HIBCH: variants seen among roughly 807,000 people sequenced by gnomAD.
HIBCH encodes 3-hydroxyisobutyryl-CoA hydrolase.
HIBCH carries 50 observed loss-of-function variants against 58.2 expected under a neutral mutation model. The observed-to-expected ratio is 0.86, with a 90% CI of 0.68 to 1.09. The LOEUF (loss-of-function observed/expected upper bound fraction) is 1.09. HIBCH is among the 50% of genes least tolerant of loss of function. The pLI, the probability that HIBCH is intolerant of heterozygous loss-of-function variation, is 0.00. For missense variants in HIBCH, 450 were observed against 449.7 expected, an observed-to-expected ratio of 1.00 and a Z score of -0.01; for synonymous variants, 151 against 146.9, an observed-to-expected ratio of 1.03 and a Z score of -0.20.
At chr2:190,193,849 T>G (rs1278614786) in intron 1 of HIBCH, among the ~76,000 whole-genome samples, 23 of 152,296 alleles carry the variant, frequency 1.5e-4, no homozygotes, top group Non-Finnish European at 4.4e-5. Flanking sequence ...TTAATTTGCT[T>G]TTCTTTTTTT....
In HIBCH at chr2:190,191,449, T is replaced by C. The variant is rs1186841424; in HGVS notation, c.*18-1452A>G. On this transcript the variant is annotated intron_variant, in intron 1 of 1. Coordinates refer to the HIBCH transcript ENST00000399855. ...CATGCGCCACCGTCCCCAGCCAGCA[T>C]ACAATTTTTTTATGTGAACACAAAT... is the stretch of plus-strand genomic sequence containing the variant. 2.6e-5 allele frequency among the ~76,000 whole-genome samples: 4 copies of C among 152,176 alleles called. No homozygotes were observed. The East Asian group carries it at 7.7e-4, about 29-fold the overall frequency.
Position 190,296,788 on chromosome 2 carries a change from T to C in HIBCH, c.219+25A>G, listed in dbSNP as rs138006542. On this transcript the variant is annotated intron_variant, in intron 3 of 13. Coordinates refer to ENST00000359678, the MANE Select transcript of HIBCH (RefSeq NM_014362.4). ...TGATATACTTTGAAAAGAATCCATA[T>C]AATTGCAATAAGAAAATTACAAACC... 229 of 1,591,250 alleles carry C rather than the reference T, an allele frequency of 1.4e-4. No homozygotes were observed. The East Asian group carries it at 4.7e-3, about 32-fold the overall frequency.
rs541107189 is a variant in HIBCH at position 190,241,142 on chromosome 2, G to C, written c.891+3745C>G. ...GAAGGTCTCTAAAAACTTGCTTTAT[G>C]AATCTGGGTGCTCCTGTATTGGTGA... On this transcript the variant is annotated intron_variant, in intron 11 of 13. Transcript: ENST00000359678. 1.5e-3 allele frequency among the ~76,000 whole-genome samples: 224 copies of C among 152,312 alleles called. 3 individuals are homozygous for C. Among genetic ancestry groups the C allele is most frequent in the Middle Eastern group, 0.014 (4 of 294 alleles).
At chr2:190,255,007 G>A (rs1686883985) in intron 7 of HIBCH, among the ~76,000 whole-genome samples, 1 of 152,106 alleles carries the variant, frequency 6.6e-6, no homozygotes, top group Non-Finnish European at 1.5e-5. Context: ...TGGCTATACA[G>A]TATTGGACAG....
In HIBCH at chr2:190,239,940, G is replaced by A. The variant is rs574886691; in HGVS notation, c.891+4947C>T. On this transcript the variant is annotated intron_variant, in intron 11 of 13. Transcript: ENST00000359678. ...GCTGGGATTACAGGCATGAGCCACC[G>A]CACCTGGCCTTGAAATATTTTTTTA... Among the ~76,000 whole-genome samples the A allele has an allele frequency of 9.3e-4, 142 of 152,238 alleles. 1 individual carries two copies. Among genetic ancestry groups the A allele is most frequent in the African/African-American group, 3.2e-3 (132 of 41,550 alleles).
At chr2:190,232,901 T>A (rs928014125) in intron 11 of HIBCH, among the ~76,000 whole-genome samples, 2 of 152,102 alleles carry the variant, frequency 1.3e-5, no homozygotes, top group Admixed American at 1.3e-4. Context: ...GAGCTTGCAG[T>A]GAGCCGAGAT....
At chr2:190,294,326 G>A (rs1216145436) in intron 4 of HIBCH, among the ~76,000 whole-genome samples, 2 of 151,666 alleles carry the variant, frequency 1.3e-5, no homozygotes, top group African/African-American at 2.4e-5. Flanking sequence ...TTTCAAATGG[G>A]TATTTGTGTA....
chr2:190,289,407 A>C (rs993620944), intron 5 of HIBCH, among the ~76,000 whole-genome samples: 5 of 152,190 alleles, frequency 3.3e-5, no homozygotes, highest in Non-Finnish European at 7.4e-5. Flanking sequence ...TCAAATTCTA[A>C]CTTAAAATCT....
rs1323319853 is a variant in HIBCH at position 190,206,356 on chromosome 2, C to A, written c.1046-1124G>T. On this transcript the variant is annotated intron_variant, in intron 13 of 13. Transcript: ENST00000359678. The surrounding 1 kb of genome is among the most constrained non-coding windows in gnomAD (Gnocchi z 5.1). ...GTGGACAGTGTAAACAAAGAACAAC[C>A]CCGGCACATTTTTTCCACAAGAATC... is the stretch of plus-strand genomic sequence containing the variant. 6.6e-6 allele frequency among the ~76,000 whole-genome samples: 1 copy of A among 152,122 alleles called. No homozygotes were observed. The highest frequency in any genetic ancestry group is 2.4e-5 in the African/African-American group (1 of 41,420).
chr2:190,223,940 C>G (rs572015596), intron 11 of HIBCH, among the ~76,000 whole-genome samples: 2 of 152,204 alleles, frequency 1.3e-5, no homozygotes, highest in Admixed American at 6.5e-5. Context: ...AGAATATGAG[C>G]CAAAGCAGGG....
chr2:190,307,900 C>A (rs879264775), intron 2 of HIBCH, among the ~76,000 whole-genome samples: 3 of 152,168 alleles, frequency 2.0e-5, no homozygotes, highest in Non-Finnish European at 4.4e-5. Flanking sequence ...GGAAGGGTCA[C>A]CGTGAATGTC....
downstream of HIBCH, chr2:190,200,146 T>G: frequency 6.2e-7 from 1 of 1,613,270 alleles, no homozygotes; most frequent in South Asian, 1.1e-5. Flanking sequence ...TGAGGGGCCT[T>G]GAGGCTGTAG....
At chr2:190,251,704 A>G (rs139607800) in intron 8 of HIBCH, 3,350 of 190,512 alleles carry the variant, frequency 0.018, 43 homozygotes, top group Non-Finnish European at 0.025. Flanking sequence ...AAAAGCAAAG[A>G]TAAGTAACGT....
Position 190,315,885 on chromosome 2 carries a change from A to G in HIBCH, c.35+3831T>C, listed in dbSNP as rs888958237. Among the ~76,000 whole-genome samples, 1 of 152,366 alleles carries G rather than the reference A, an allele frequency of 6.6e-6. No homozygotes were observed. The highest frequency in any genetic ancestry group is 1.9e-4 in the East Asian group (1 of 5,192). On this transcript the variant is annotated intron_variant, in intron 1 of 13. Coordinates refer to ENST00000359678, the MANE Select transcript of HIBCH (RefSeq NM_014362.4). The surrounding 1 kb of genome is among the most constrained non-coding windows in gnomAD (Gnocchi z 5.4). ...AGAAGCTAGCTGGTTTGCAGGACGA[A>G]ATACAAATTCAATTTTTTGAATTTG...
rs1688414819 is a variant in HIBCH at position 190,306,636 on chromosome 2, CTAT to C, written c.78+4115_78+4117del. On this transcript the variant is annotated intron_variant, in intron 2 of 13. Transcript: ENST00000359678. The surrounding 1 kb of genome is among the most constrained non-coding windows in gnomAD (Gnocchi z 4.6). ...CTCGCTGTGCCACTCATAAAAAATT[CTAT>C]TTTTTCTAATCCAAGAGTGTCACGT... 6.6e-6 allele frequency among the ~76,000 whole-genome samples: 1 copy of C among 152,116 alleles called. No individual in the cohort carries two copies. Among genetic ancestry groups the C allele is most frequent in the African/African-American group, 2.4e-5 (1 of 41,406 alleles).
rs115541548 is a variant in HIBCH, at chr2:190,293,143, G to A, written c.304+1403C>T. 4.1e-3 allele frequency among the ~76,000 whole-genome samples: 630 copies of A among 152,222 alleles called. 8 individuals carry two copies. Among genetic ancestry groups the A allele is most frequent in the Middle Eastern group, 0.031 (9 of 294 alleles). The stretch of plus-strand genomic sequence containing the variant: ...AAGCTCTGCCCACCTGTAAACTGAC[G>A]ATCACAGGCCAGACGAAAGGCTAAT... On this transcript the variant is annotated intron_variant, in intron 4 of 13. Coordinates refer to ENST00000359678, the MANE Select transcript of HIBCH (RefSeq NM_014362.4).
rs1687079446 is a variant in HIBCH at position 190,261,189 on chromosome 2, T to C, written c.484A>G (p.Lys162Glu). 6.2e-7 allele frequency: 1 copy of C among 1,613,620 alleles called. No homozygotes were observed. Among genetic ancestry groups the C allele is most frequent in the African/African-American group, 1.3e-5 (1 of 74,860 alleles). Residue 162 changes from lysine to glutamate, a missense_variant, in exon 7 of 14, where the codon AAG becomes GAG. Transcript: ENST00000359678. ...VHGQFRVATE[K>E]CLFAMPETAI... ...GTTTCTGGCATAGCAAAAAGACACT[T>C]TTCTGTAGCCACTCGAAATTGCCCA...
In HIBCH at chr2:190,287,027, CGT is replaced by C. The variant is rs56811939; in HGVS notation, c.438+557_438+558del. The stretch of plus-strand genomic sequence containing the variant: ...TTCAAAAAGTTAAAATAGCATATAA[CGT>C]GTGTGTGTGTGTGTGTGTGTGTGTG... On this transcript the variant is annotated intron_variant, in intron 6 of 13. Coordinates refer to ENST00000359678, the MANE Select transcript of HIBCH (RefSeq NM_014362.4). 6.1e-3 allele frequency among the ~76,000 whole-genome samples: 864 copies of C among 142,210 alleles called. 9 individuals are homozygous for C. Among genetic ancestry groups the C allele is most frequent in the Middle Eastern group, 0.032 (9 of 284 alleles). The allele number at this position is 142,210 out of a possible 152,430, so 93.3% of individuals were successfully genotyped here.
At chr2:190,302,622 T>C (rs192837036) in intron 2 of HIBCH, among the ~76,000 whole-genome samples, 52 of 152,264 alleles carry the variant, frequency 3.4e-4, no homozygotes, top group Middle Eastern at 3.4e-3. Flanking sequence ...TGTTTAACTC[T>C]TAGGGAAGAA....
Sources: gnomAD v4.1 joint callset for allele counts (sites outside exome capture counted in the v4.1 genomes callset) on GRCh38, gnomAD v4.1.1 for gene constraint, Gnocchi (gnomAD v3.1) non-coding constraint, MANE v1.5 for transcripts, NCBI Gene and HGNC (gene_info 2026-07-23, HGNC 2026-07-21) for gene names.